SLC38A6: variants seen among roughly 807,000 people sequenced by gnomAD.
The protein encoded by SLC38A6 is N system amino acid transporter NAT-1.
A neutral mutation model predicts 65.0 loss-of-function variants in SLC38A6; 73 were observed. The observed-to-expected ratio is 1.12, with a 90% CI of 0.93 to 1.37. The LOEUF (loss-of-function observed/expected upper bound fraction) is 1.37, where lower values mean the gene tolerates loss of function less well. SLC38A6 is among the 40% of genes most tolerant of loss of function. The probability of loss-of-function intolerance (pLI) is 0.00; values close to 1 mark genes in which losing one functional copy is unlikely to be tolerated. For missense variants in SLC38A6, 561 were observed against 531.1 expected (o/e 1.06, Z -0.55); for synonymous variants, 183 against 178.8 (o/e 1.02, Z -0.19).
chr14:61,017,907 A>G (rs1193933828), intron 4 of SLC38A6, among the ~76,000 whole-genome samples: 1 of 152,242 alleles, frequency 6.6e-6, no homozygotes, highest in Non-Finnish European at 1.5e-5. Flanking sequence ...TCCAGATGTT[A>G]TATAGTTATA....
intron 3 of SLC38A6, among the ~76,000 whole-genome samples, chr14:61,000,666 C>T (rs1003350678): frequency 2.0e-5 from 3 of 152,134 alleles, no homozygotes; most frequent in Non-Finnish European, 4.4e-5. Context: ...CATAGCTTAT[C>T]AAATACAGTG....
At chr14:60,999,438 C>T (rs2038544948) in intron 3 of SLC38A6, among the ~76,000 whole-genome samples, 1 of 152,014 alleles carries the variant, frequency 6.6e-6, no homozygotes, top group Non-Finnish European at 1.5e-5. Context: ...TTTTAAAACC[C>T]TCTGGAGCAC....
chr14:60,995,534 T>C (rs1443893861), intron 3 of SLC38A6, among the ~76,000 whole-genome samples: 1 of 152,096 alleles, frequency 6.6e-6, no homozygotes, highest in African/African-American at 2.4e-5. Context: ...ATGTACAGCA[T>C]GATGACTATA....
intron 2 of SLC38A6, among the ~76,000 whole-genome samples, chr14:60,983,058 C>T (rs956125589): frequency 6.6e-6 from 1 of 152,114 alleles, no homozygotes; most frequent in African/African-American, 2.4e-5. Flanking sequence ...TTTCAGAGGC[C>T]AGACATGTGT....
chr14:61,050,927 C>T (rs192829488), intron 13 of SLC38A6, among the ~76,000 whole-genome samples: 1 of 152,126 alleles, frequency 6.6e-6, no homozygotes, highest in East Asian at 1.9e-4. Flanking sequence ...TGGGTTTTTC[C>T]CCCCTTTAAT....
At chr14:60,989,146 C>T (rs1297361052) in intron 3 of SLC38A6, among the ~76,000 whole-genome samples, 1 of 152,156 alleles carries the variant, frequency 6.6e-6, no homozygotes, top group African/African-American at 2.4e-5. Flanking sequence ...ATTTTATAAG[C>T]TCTTGCCACC....
intron 3 of SLC38A6, among the ~76,000 whole-genome samples, chr14:61,000,725 T>C (rs1255543157): frequency 1.3e-5 from 2 of 152,142 alleles, no homozygotes; most frequent in Non-Finnish European, 1.5e-5. Flanking sequence ...CATTTCTCAA[T>C]AAAGAGCTGA....
At chr14:61,064,074 C>T (rs769585675) in intron 15 of SLC38A6, among the ~76,000 whole-genome samples, 16 of 152,200 alleles carry the variant, frequency 1.1e-4, no homozygotes, top group Non-Finnish European at 2.2e-4. Context: ...AGCCTTCACT[C>T]ACAGGGGAAC....
chr14:61,049,583 G>C (rs1469964458), intron 12 of SLC38A6, among the ~76,000 whole-genome samples: 1 of 152,066 alleles, frequency 6.6e-6, no homozygotes, highest in African/African-American at 2.4e-5. Flanking sequence ...CTCTTGTTTA[G>C]AACTCTCTGG....
intron 3 of SLC38A6, among the ~76,000 whole-genome samples, chr14:61,007,770 C>T (rs1197167532): frequency 1.3e-5 from 2 of 151,936 alleles, no homozygotes; most frequent in African/African-American, 4.8e-5. Flanking sequence ...ATTACCTTCT[C>T]AATGCCAAAT....
chr14:61,019,710 C>G, intron 5 of SLC38A6, 130 bp downstream of exon 5: 1 of 856,196 alleles, frequency 1.2e-6, no homozygotes, highest in Non-Finnish European at 1.8e-6. Context: ...TGTGTGTTGG[C>G]CTCTTTACTC....
chr14:61,019,015 A>G lies in SLC38A6; in HGVS notation c.364-526A>G, dbSNP rs1251056600. On this transcript the variant is annotated intron_variant, in intron 4 of 15. Transcript: ENST00000267488. ...TAATTCACATTATTGAGTTTGGAAC[A>G]TTTTGCCTATATTTTCAGGGTTTGA... 2.0e-5 allele frequency among the ~76,000 whole-genome samples: 3 copies of G among 152,164 alleles called. No homozygotes were observed. The East Asian group carries it at 5.8e-4, about 29-fold the overall frequency.
chr14:61,004,246 A>G (rs2038918767), intron 3 of SLC38A6, among the ~76,000 whole-genome samples: 1 of 152,148 alleles, frequency 6.6e-6, no homozygotes, highest in Non-Finnish European at 1.5e-5. Flanking sequence ...TGCTAAATAT[A>G]CTATCTATAC....
At position 61,019,559 on chromosome 14, in the gene SLC38A6, A is replaced by AG; in HGVS notation, c.382_383insG (p.Ile128SerfsTer17). The AG allele has an allele frequency of 6.2e-7, 1 of 1,613,464 alleles. No individual in the cohort carries two copies. Among genetic ancestry groups the AG allele is most frequent in the Non-Finnish European group, 8.5e-7 (1 of 1,179,538 alleles). On this transcript the variant is annotated frameshift_variant, in exon 5 of 16. Transcript: ENST00000267488. LOFTEE classifies it high-confidence loss of function. ...TTTACAGTTGGTGGTGGCAGGCACCATAATAATTCAGAATATTGGAGGTAA... is the reference window on the plus strand; with the variant it reads ...TTTACAGTTGGTGGTGGCAGGCACCAGTAATAATTCAGAATATTGGAGGTAA...
chr14:61,070,176 A>G (rs374429942), intron 15 of SLC38A6, among the ~76,000 whole-genome samples: 1 of 152,218 alleles, frequency 6.6e-6, no homozygotes, highest in African/African-American at 2.4e-5. Flanking sequence ...CGGCATGACT[A>G]AAACTCTGTG....
intron 15 of SLC38A6, among the ~76,000 whole-genome samples, chr14:61,064,761 C>G (rs2042969491): frequency 6.6e-6 from 1 of 151,492 alleles, no homozygotes; most frequent in Non-Finnish European, 1.5e-5. Context: ...TAGGTAATAA[C>G]TATTTAAAAT....
chr14:61,053,069 T>G (rs942769953), downstream of SLC38A6: 1 of 152,128 alleles, frequency 6.6e-6, no homozygotes, highest in Admixed American at 6.6e-5. Context: ...GTTGTTTTTT[T>G]CTTTGTGTTC....
rs745806506 is a variant in SLC38A6, at chr14:61,037,100, G to C, written c.524G>C (p.Cys175Ser). 8 of 1,610,132 alleles carry C rather than the reference G, an allele frequency of 5.0e-6. No individual in the cohort carries two copies. The highest frequency in any genetic ancestry group is 6.8e-6 in the Non-Finnish European group (8 of 1,177,972). ...LDGQTLLIII[C>S]VGIVFPLALL... The stretch of plus-strand genomic sequence containing the variant: ...GGACAAACACTACTAATAATCATAT[G>C]TGTTGGCATTGTGTTCCCTCTTGCA... Residue 175 changes from cysteine (C) to serine (S), a missense_variant, in exon 7 of 16, where the codon TGT becomes TCT. Cys to Ser is a moderately radical substitution (Grantham distance 112, BLOSUM62 -1). Transcript: ENST00000267488.
At chr14:61,027,983 G>A (rs908920126) in intron 5 of SLC38A6, among the ~76,000 whole-genome samples, 4 of 151,678 alleles carry the variant, frequency 2.6e-5, no homozygotes, top group African/African-American at 4.8e-5. Context: ...AGAGAAACAC[G>A]TTTGGTGAGT....
Sources: gnomAD v4.1 joint callset for allele counts (sites outside exome capture counted in the v4.1 genomes callset) on GRCh38, gnomAD v4.1.1 for gene constraint, MANE v1.5 for transcripts, NCBI Gene and HGNC (gene_info 2026-07-23, HGNC 2026-07-21) for gene names.